TRPC3: variants seen among roughly 807,000 people sequenced by gnomAD.
TRPC3 encodes the protein transient receptor potential cation channel subfamily C member 3, also known as short transient receptor potential channel 3.
A neutral mutation model predicts 90.9 loss-of-function variants in TRPC3; 54 were observed. The ratio of observed to expected loss-of-function variants is 0.59; its 90% confidence interval spans 0.48 to 0.75. TRPC3 has a LOEUF of 0.75. Among genes scored for constraint, TRPC3 ranks in the 30% least tolerant of loss-of-function variants. The pLI, the probability that TRPC3 is intolerant of heterozygous loss-of-function variation, is 0.00. For missense variants in TRPC3, 918 were observed against 1,194.5 expected (o/e 0.77, Z 3.41); for synonymous variants, 424 against 450.9 (o/e 0.94, Z 0.75).
At chr4:121,883,802 C>A (rs80341764) in intron 10 of TRPC3, among the ~76,000 whole-genome samples, 2,483 of 152,232 alleles carry the variant, frequency 0.016, 62 homozygotes, top group African/African-American at 0.056. Flanking sequence ...AACTCCTGGG[C>A]TCAACGCTGT....
chr4:121,884,442 T>C (rs1031163328), intron 10 of TRPC3, among the ~76,000 whole-genome samples: 5 of 152,140 alleles, frequency 3.3e-5, no homozygotes, highest in Admixed American at 6.6e-5. Context: ...AATGTAATTA[T>C]GCTTCATAAT....
intron 4 of TRPC3, among the ~76,000 whole-genome samples, chr4:121,913,556 C>T (rs1729186845): frequency 1.3e-5 from 2 of 152,198 alleles, no homozygotes; most frequent in Non-Finnish European, 2.9e-5. Context: ...AATGTTTTAA[C>T]TGATTAAGTT....
intron 3 of TRPC3, 30 bp downstream of exon 3, chr4:121,924,988 A>G (rs1464019890): frequency 6.3e-7 from 1 of 1,584,326 alleles, no homozygotes; most frequent in Non-Finnish European, 8.6e-7. Flanking sequence ...TTATTCTAAT[A>G]TGGCACTAGA....
Position 121,911,864 on chromosome 4 carries a change from A to G in TRPC3, c.1558+13T>C, listed in dbSNP as rs1729116278. 1 of 1,600,926 alleles carries G rather than the reference A, an allele frequency of 6.2e-7. No individual in the cohort carries two copies. The highest frequency in any genetic ancestry group is 1.3e-5 in the African/African-American group (1 of 74,464). ...TTTGGTAGAAATTAGGATATTTAAA[A>G]TAAAAGACTTACCAAGAACCCAGAC... On this transcript the variant is annotated intron_variant, in intron 5 of 11. Transcript: ENST00000379645.
intron 3 of TRPC3, among the ~76,000 whole-genome samples, chr4:121,923,533 GTTA>G (rs138500156): frequency 0.039 from 5,999 of 152,266 alleles, 385 homozygotes; most frequent in African/African-American, 0.14. Flanking sequence ...ATGTAGAAAT[GTTA>G]TTATTAATAG....
At chr4:121,933,920 T>C (rs1262257622) in intron 1 of TRPC3, among the ~76,000 whole-genome samples, 1 of 152,238 alleles carries the variant, frequency 6.6e-6, no homozygotes, top group East Asian at 1.9e-4. Context: ...ACCGTGCCTT[T>C]GTAATAAGAA....
At chr4:121,941,299 A>G (rs921356540) in intron 1 of TRPC3, among the ~76,000 whole-genome samples, 5 of 152,208 alleles carry the variant, frequency 3.3e-5, no homozygotes, top group African/African-American at 1.2e-4. Context: ...CCATGTAGCA[A>G]GCAAGCAAAG....
At chr4:121,940,622 G>A (rs1730275551) in intron 1 of TRPC3, among the ~76,000 whole-genome samples, 1 of 152,162 alleles carries the variant, frequency 6.6e-6, no homozygotes, top group Admixed American at 6.5e-5. Context: ...AGAGGGTCAC[G>A]TTTCACAGGG....
At chr4:121,901,926 CA>C (rs1364071497) in intron 9 of TRPC3, among the ~76,000 whole-genome samples, 5 of 151,730 alleles carry the variant, frequency 3.3e-5, no homozygotes, top group Non-Finnish European at 5.9e-5. Context: ...CCAGGTCAAA[CA>C]AAAAAAGATT....
chr4:121,911,816 G>C, intron 5 of TRPC3, 61 bp downstream of exon 5: 1 of 1,460,044 alleles, frequency 6.8e-7, no homozygotes, highest in Admixed American at 2.0e-5. Flanking sequence ...AATAGAAAAT[G>C]ACAATTATTT....
chr4:121,905,765 C>T (rs1435694274), intron 7 of TRPC3, among the ~76,000 whole-genome samples: 1 of 152,060 alleles, frequency 6.6e-6, no homozygotes, highest in African/African-American at 2.4e-5. Context: ...CAAATATTGA[C>T]AGAGCACCTA....
In TRPC3 at chr4:121,877,913, C is replaced by T. The variant is rs2149100728; in HGVS notation, c.*1823G>A. Among the ~76,000 whole-genome samples the T allele has an allele frequency of 6.6e-6, 1 of 152,126 alleles. No homozygotes were observed. The highest frequency in any genetic ancestry group is 3.4e-3 in the Middle Eastern group (1 of 294). On this transcript the variant is annotated 3_prime_UTR_variant, in exon 12 of 12. Transcript: ENST00000379645. ...TCCCCAGCTGAATCTGCCACTTTTT[C>T]ATTCAACATTTTTTCCAACCGCAAA... is the stretch of plus-strand genomic sequence containing the variant.
chr4:121,878,985 G>A lies in TRPC3; in HGVS notation c.*751C>T, dbSNP rs1727847130. ...CAACTTAAAAGAAAATCACATTACT[G>A]AAAAACAACAAACGTAAGTCTAAGA... On this transcript the variant is annotated 3_prime_UTR_variant, in exon 12 of 12. Coordinates refer to ENST00000379645, the MANE Select transcript of TRPC3 (RefSeq NM_001130698.2). 1 of 152,052 alleles carries A rather than the reference G, an allele frequency of 6.6e-6. No individual in the cohort carries two copies. The highest frequency in any genetic ancestry group is 1.5e-5 in the Non-Finnish European group (1 of 68,000). The allele number at this position is 152,052 out of a possible 1,614,324, so 9.4% of individuals were successfully genotyped here. A position where few individuals can be genotyped will look rare whatever the true frequency, so the allele number is the denominator to read the frequency against.
chr4:121,898,322 A>C (rs1358228732), intron 10 of TRPC3, among the ~76,000 whole-genome samples: 1 of 152,208 alleles, frequency 6.6e-6, no homozygotes, highest in Non-Finnish European at 1.5e-5. Context: ...GCACAGCAGG[A>C]AGTGACAGGC....
intron 1 of TRPC3, among the ~76,000 whole-genome samples, chr4:121,934,290 G>GA (rs1730056977): frequency 6.6e-6 from 1 of 152,248 alleles, no homozygotes; most frequent in South Asian, 2.1e-4. Flanking sequence ...CAGAGTCTCT[G>GA]AAAAACAATG....
At chr4:121,923,605 A>C (rs2149135320) in intron 3 of TRPC3, among the ~76,000 whole-genome samples, 1 of 152,364 alleles carries the variant, frequency 6.6e-6, no homozygotes, top group Non-Finnish European at 1.5e-5. Context: ...TGTGCTAATC[A>C]CATGCATTAT....
At chr4:121,923,098 C>CAG (rs1214258457) in intron 3 of TRPC3, among the ~76,000 whole-genome samples, 1 of 133,806 alleles carries the variant, frequency 7.5e-6, no homozygotes, top group Non-Finnish European at 1.7e-5. Context: ...GAGAAAGAGA[C>CAG]ACAGAGAGAG....
rs755712019 is a variant in TRPC3 at position 121,936,594 on chromosome 4, T to C, written c.216-3552A>G. On this transcript the variant is annotated intron_variant, in intron 1 of 11. Coordinates refer to ENST00000379645, the MANE Select transcript of TRPC3 (RefSeq NM_001130698.2). Reference sequence around the variant, plus strand: ...CATATGTTGAAGCCCTAACCCTTAATGTGATAGTATTTGGAGACAGAGCCT... The same window carrying C: ...CATATGTTGAAGCCCTAACCCTTAACGTGATAGTATTTGGAGACAGAGCCT... Among the ~76,000 whole-genome samples the C allele has an allele frequency of 4.9e-4, 74 of 152,222 alleles. 1 individual carries two copies. The highest frequency in any genetic ancestry group is 8.2e-4 in the Non-Finnish European group (56 of 68,026).
chr4:121,914,778 A>G lies in TRPC3; in HGVS notation c.1341+2T>C. The G allele has an allele frequency of 6.2e-7, 1 of 1,601,218 alleles. No homozygotes were observed. Among genetic ancestry groups the G allele is most frequent in the Non-Finnish European group, 8.5e-7 (1 of 1,170,784 alleles). ...GAGGAAATAGATGTAGAAAGCAAGTACCCTGCTGCAAGGTGCGATCCAGTA... is the reference window on the plus strand; with the variant it reads ...GAGGAAATAGATGTAGAAAGCAAGTGCCCTGCTGCAAGGTGCGATCCAGTA... On this transcript the variant is annotated splice_donor_variant, in intron 4 of 11. Transcript: ENST00000379645. LOFTEE classifies it high-confidence loss of function.
Sources: gnomAD v4.1 joint callset for allele counts (sites outside exome capture counted in the v4.1 genomes callset) on GRCh38, gnomAD v4.1.1 for gene constraint, MANE v1.5 for transcripts, NCBI Gene and HGNC (gene_info 2026-07-23, HGNC 2026-07-21) for gene names.